The following FAT2 variants were observed in gnomAD, a reference collection of about 807,000 sequenced individuals.
FAT2 encodes protocadherin Fat 2.
A neutral mutation model predicts 295.3 loss-of-function variants in FAT2; 150 were observed. The observed-to-expected ratio is 0.51, with a 90% CI of 0.44 to 0.58. The LOEUF is 0.58. Among genes scored for constraint, FAT2 ranks in the 20% least tolerant of loss-of-function variants. The probability of loss-of-function intolerance (pLI) is 0.00; values close to 1 mark genes in which losing one functional copy is unlikely to be tolerated. For synonymous variants in FAT2, 2,026 were observed against 2,150.3 expected, an observed-to-expected ratio of 0.94 and a Z score of 1.60; for missense variants, 4,868 against 5,442.7, an observed-to-expected ratio of 0.89 and a Z score of 3.32.
intron 1 of FAT2, among the ~76,000 whole-genome samples, chr5:151,580,280 G>A (rs1400849809): frequency 6.6e-6 from 1 of 152,190 alleles, no homozygotes; most frequent in Non-Finnish European, 1.5e-5. Context: ...ACTGGTTTCA[G>A]AGTGAGACCT....
intron 10 of FAT2, among the ~76,000 whole-genome samples, chr5:151,541,922 C>T (rs908224094): frequency 2.6e-5 from 4 of 152,230 alleles, no homozygotes; most frequent in African/African-American, 4.8e-5. Context: ...TAAAGACAGT[C>T]GCTTGACAGA....
chr5:151,565,870 A>T lies in FAT2; in HGVS notation c.3062T>A (p.Leu1021Gln). 1 of 1,614,046 alleles carries T rather than the reference A, an allele frequency of 6.2e-7. No individual in the cohort carries two copies. Among genetic ancestry groups the T allele is most frequent in the Non-Finnish European group, 8.5e-7 (1 of 1,180,022 alleles). ...AGGGTGGAGATTCTCATTCACATCCAGGACGATCACCTCCACATGGCAGAG... is the reference window on the plus strand; with the variant it reads ...AGGGTGGAGATTCTCATTCACATCCTGGACGATCACCTCCACATGGCAGAG... The part of the protein sequence containing the change: ...RTLCHVEVIV[L>Q]DVNENLHPPH... The change falls in exon 2 of 24, where the codon CTG becomes CAG. Residue 1021 changes from leucine to glutamine, a missense_variant. By Grantham distance (113) the Leu-to-Gln change is moderately radical. Transcript: ENST00000261800.
intron 6 of FAT2, among the ~76,000 whole-genome samples, chr5:151,552,748 T>C (rs1757333554): frequency 2.0e-5 from 3 of 152,168 alleles, no homozygotes; most frequent in Non-Finnish European, 4.4e-5. Context: ...ATGGGCACTT[T>C]CCCCTGATCT....
At chr5:151,581,630 A>G (rs561323117) in intron 1 of FAT2, among the ~76,000 whole-genome samples, 18 of 152,354 alleles carry the variant, frequency 1.2e-4, no homozygotes, top group African/African-American at 4.3e-4. Flanking sequence ...GCTAGCTTAC[A>G]GCAACCTTAT....
At chr5:151,511,675 A>G (rs1761334309) in intron 21 of FAT2, 1 of 161,924 alleles carries the variant, frequency 6.2e-6, no homozygotes, top group Non-Finnish European at 1.4e-5. Flanking sequence ...GCATTGACAG[A>G]TCTTAAAAAT....
At chr5:151,529,119 G>C (rs1372765099) in intron 15 of FAT2, 59 bp downstream of exon 15, 7 of 1,441,594 alleles carry the variant, frequency 4.9e-6, no homozygotes, top group Non-Finnish European at 6.8e-6. Flanking sequence ...GTGTGGGGGT[G>C]AGATAAGAAC....
chr5:151,569,833 C>G (rs1758453017), intron 1 of FAT2, among the ~76,000 whole-genome samples: 1 of 152,250 alleles, frequency 6.6e-6, no homozygotes, highest in Non-Finnish European at 1.5e-5. Flanking sequence ...TGAGCTGTTT[C>G]CGCACATGCA....
At chr5:151,520,930 C>T (rs1025360141) in intron 19 of FAT2, among the ~76,000 whole-genome samples, 10 of 152,204 alleles carry the variant, frequency 6.6e-5, no homozygotes, top group African/African-American at 1.9e-4. Flanking sequence ...AGCTCAAAGG[C>T]ACAGAGAGGT....
At chr5:151,563,803 C>T (rs1758132474) in intron 2 of FAT2, among the ~76,000 whole-genome samples, 164 bp from the exon 3 acceptor site, 1 of 152,192 alleles carries the variant, frequency 6.6e-6, no homozygotes, top group African/African-American at 2.4e-5. Flanking sequence ...GTGGGAGATG[C>T]TGAGTTGAAC....
intron 1 of FAT2, among the ~76,000 whole-genome samples, chr5:151,589,614 G>T (rs1759319127): frequency 6.6e-6 from 1 of 152,194 alleles, no homozygotes; most frequent in Non-Finnish European, 1.5e-5. Context: ...AAGGGATCTT[G>T]GCCAGGTGTG....
rs1758315174 is a variant in FAT2, at chr5:151,567,235, T to C, written c.1697A>G (p.Glu566Gly). ...NLNDNQPMFEEVNCTGSIRQD... is the reference protein window; with the variant it reads ...NLNDNQPMFEGVNCTGSIRQD... ...GCGGATAGACCCTGTACAGTTGACT[T>C]CTTCAAACATAGGCTGGTTGTCATT... The change falls in exon 2 of 24, where the codon GAA (glutamate) becomes GGA (glycine). Residue 566 changes from glutamate to glycine, a missense_variant. Coordinates refer to ENST00000261800, the MANE Select transcript of FAT2 (RefSeq NM_001447.3). The C allele has an allele frequency of 5.0e-6, 8 of 1,614,060 alleles. No individual in the cohort carries two copies. Among genetic ancestry groups the C allele is most frequent in the Non-Finnish European group, 6.8e-6 (8 of 1,180,032 alleles).
chr5:151,572,121 T>A (rs1014987799), intron 1 of FAT2, among the ~76,000 whole-genome samples: 1 of 152,224 alleles, frequency 6.6e-6, no homozygotes, highest in Non-Finnish European at 1.5e-5. Context: ...TTGCCCTATT[T>A]TCTTCATGAC....
intron 3 of FAT2, 63 bp downstream of exon 3, chr5:151,563,262 G>T (rs2127641188): frequency 6.8e-7 from 1 of 1,475,382 alleles, no homozygotes; most frequent in Non-Finnish European, 9.3e-7. Context: ...TGCCGATTTG[G>T]GCCCACAATT....
Position 151,521,709 on chromosome 5 carries a change from C to G in FAT2, c.10884G>C (p.Gln3628His). The G allele has an allele frequency of 6.2e-7, 1 of 1,613,946 alleles. No individual in the cohort carries two copies. The highest frequency in any genetic ancestry group is 8.5e-7 in the Non-Finnish European group (1 of 1,180,000). ...YVWHVGQEALQQAMWMGFYQL... is the reference protein window; with the variant it reads ...YVWHVGQEALHQAMWMGFYQL... Reference sequence around the variant, plus strand: ...GGTAGAAGCCCATCCACATGGCCTGCTGCAGAGCCTCCTGCCCCACATGCC... The same window carrying G: ...GGTAGAAGCCCATCCACATGGCCTGGTGCAGAGCCTCCTGCCCCACATGCC... Residue 3628 changes from glutamine (Q) to histidine (H), a missense_variant, in exon 19 of 24, where the codon CAG becomes CAC. Coordinates refer to ENST00000261800, the MANE Select transcript of FAT2 (RefSeq NM_001447.3).
rs1758376002 is a variant in FAT2 at position 151,568,282 on chromosome 5, T to C, written c.650A>G (p.His217Arg). 2 of 1,614,216 alleles carry C rather than the reference T, an allele frequency of 1.2e-6. No homozygotes were observed. Among genetic ancestry groups the C allele is most frequent in the Non-Finnish European group, 1.7e-6 (2 of 1,180,036 alleles). Residue 217 changes from histidine to arginine, a missense_variant, in exon 2 of 24, where the codon CAT (histidine) becomes CGT (arginine). Physicochemically the swap from His to Arg is conservative, Grantham distance 29. Coordinates refer to ENST00000261800, the MANE Select transcript of FAT2 (RefSeq NM_001447.3). ...GTCCACAGCTAGCACCTGGAGCTCA[T>C]GCTTTCCTCGCCAGGTGACGTTAAG... is the stretch of plus-strand genomic sequence containing the variant. Reference protein sequence around the residue: ...GKLNVTWRGKHELQVLAVDRM... With the variant: ...GKLNVTWRGKRELQVLAVDRM...
At chr5:151,587,223 T>C (rs1332041959) in intron 1 of FAT2, among the ~76,000 whole-genome samples, 1 of 152,198 alleles carries the variant, frequency 6.6e-6, no homozygotes, top group African/African-American at 2.4e-5. Flanking sequence ...AGGGCTTCTT[T>C]GCACCATTCT....
chr5:151,526,670 CTT>C (rs1754013824), intron 17 of FAT2, among the ~76,000 whole-genome samples: 2 of 152,246 alleles, frequency 1.3e-5, no homozygotes, highest in Admixed American at 6.5e-5. Flanking sequence ...AGTCAGGTAA[CTT>C]ATTATTTGCA....
At chr5:151,535,207 G>A (rs1434410250) in intron 12 of FAT2, among the ~76,000 whole-genome samples, 2 of 151,750 alleles carry the variant, frequency 1.3e-5, no homozygotes, top group East Asian at 1.9e-4. Context: ...GCTCCTGCCC[G>A]TAACTCCCAC....
At chr5:151,563,264 C>T (rs1758100042) in intron 3 of FAT2, 61 bp downstream of exon 3, 8 of 1,491,724 alleles carry the variant, frequency 5.4e-6, no homozygotes, top group Non-Finnish European at 7.4e-6. Flanking sequence ...CCGATTTGGG[C>T]CCACAATTTG....
Sources: allele counts gnomAD v4.1 joint callset (sites outside exome capture counted in the v4.1 genomes callset), GRCh38; gene constraint gnomAD v4.1.1; transcripts MANE v1.5; gene names NCBI Gene and HGNC (gene_info 2026-07-23, HGNC 2026-07-21).